FGF8: variants seen among roughly 807,000 people sequenced by gnomAD.
FGF8 encodes androgen-induced growth factor.
Under a neutral mutation model 29.7 loss-of-function variants are expected in FGF8, and 12 were observed. The observed-to-expected ratio is 0.40, with a 90% CI of 0.26 to 0.65. FGF8 has a LOEUF of 0.65. Ranked by LOEUF, FGF8 falls within the 30% of genes least tolerant of loss-of-function variation. The pLI is 0.37. For missense variants in FGF8, 271 were observed against 345.1 expected, an observed-to-expected ratio of 0.79 and a Z score of 1.70; for synonymous variants, 157 against 144.4, an observed-to-expected ratio of 1.09 and a Z score of -0.63.
rs1564633026 is a variant in FGF8 at position 101,775,830 on chromosome 10, C to G, written c.32+39G>C. 4 of 1,040,884 alleles carry G rather than the reference C, an allele frequency of 3.8e-6. No homozygotes were observed. The South Asian group carries it at 4.9e-5, about 13-fold the overall frequency. 64.5% of individuals were successfully genotyped at this position (1,040,884 alleles called of 1,614,324 possible). On this transcript the variant is annotated intron_variant, in intron 1 of 5. Coordinates refer to ENST00000320185, the MANE Select transcript of FGF8 (RefSeq NM_033163.5). This position sits in a 1 kb window ranked among gnomAD's most constrained non-coding sequence, Gnocchi z 4.6. ...AGAGGCGCGGGTGAGGCGAGGGGCGCGGGGGGCGGGTGGCGGGGCAGGGCG... is the reference window on the plus strand; with the variant it reads ...AGAGGCGCGGGTGAGGCGAGGGGCGGGGGGGGCGGGTGGCGGGGCAGGGCG...
In FGF8 at chr10:101,771,354, C is replaced by G; in HGVS notation, c.444+109G>C. ...GGTAACCCCAAGATGGCCCTGTGGC[C>G]TTCTGCCTACCTTGTTGGGATCAGA... On this transcript the variant is annotated intron_variant, in intron 5 of 5. Transcript: ENST00000320185. This position sits in a 1 kb window ranked among gnomAD's most constrained non-coding sequence, Gnocchi z 5.3. The G allele has an allele frequency of 1.2e-6, 1 of 828,598 alleles. No homozygotes were observed. Among genetic ancestry groups the G allele is most frequent in the East Asian group, 2.5e-5 (1 of 40,432 alleles). The allele number at this position is 828,598 out of a possible 1,614,324, so 51.3% of individuals were successfully genotyped here.
In FGF8 at chr10:101,775,599, G is replaced by A. The variant is rs997105525; in HGVS notation, c.69+141C>T. The A allele has an allele frequency of 2.2e-6, 2 of 895,952 alleles. No homozygotes were observed. Among genetic ancestry groups the A allele is most frequent in the African/African-American group, 1.7e-5 (1 of 59,688 alleles). The allele number at this position is 895,952 out of a possible 1,614,324, so 55.5% of individuals were successfully genotyped here. A position where few individuals can be genotyped will look rare whatever the true frequency, so the allele number is the denominator to read the frequency against. The stretch of plus-strand genomic sequence containing the variant: ...TCTGTGCCTCAGCTCCCTCCTCGGG[G>A]TGGCTCGGGGCTGGGTTTCTAAGGT... On this transcript the variant is annotated intron_variant, in intron 2 of 5. Coordinates refer to ENST00000320185, the MANE Select transcript of FGF8 (RefSeq NM_033163.5). The surrounding 1 kb of genome is among the most constrained non-coding windows in gnomAD (Gnocchi z 4.6).
At position 101,775,359 on chromosome 10, in the gene FGF8, C is replaced by T; in HGVS notation, c.70-143G>A. ...GGGCCAAATCGGCCACAAGCCTCCC[C>T]CGAGGGGCGCTGAGAGGGTCTCTGC... is the stretch of plus-strand genomic sequence containing the variant. On this transcript the variant is annotated intron_variant, in intron 2 of 5. Transcript: ENST00000320185. This position sits in a 1 kb window ranked among gnomAD's most constrained non-coding sequence, Gnocchi z 4.6. 1 of 667,800 alleles carries T rather than the reference C, an allele frequency of 1.5e-6. No individual in the cohort carries two copies. The highest frequency in any genetic ancestry group is 1.7e-5 in the South Asian group (1 of 59,010). The allele number at this position is 667,800 out of a possible 1,614,324, so 41.4% of individuals were successfully genotyped here.
At position 101,770,237 on chromosome 10, in the gene FGF8, G is replaced by C; in HGVS notation, c.*92C>G. ...TCCCCCAGCACCTCCCCAGCCTGCA[G>C]AGCAGCGCACAGCTCATCTTGCTTG... On this transcript the variant is annotated 3_prime_UTR_variant, in exon 6 of 6. Coordinates refer to ENST00000320185, the MANE Select transcript of FGF8 (RefSeq NM_033163.5). 7.8e-7 allele frequency: 1 copy of C among 1,287,192 alleles called. No individual in the cohort carries two copies. The highest frequency in any genetic ancestry group is 1.1e-6 in the Non-Finnish European group (1 of 944,724). 79.7% of individuals were successfully genotyped at this position (1,287,192 alleles called of 1,614,324 possible).
rs182601392 is a variant in FGF8, at chr10:101,772,575, G to T, written c.338-1006C>A. 1.1e-4 allele frequency among the ~76,000 whole-genome samples: 17 copies of T among 152,280 alleles called. No homozygotes were observed. On this transcript the variant is annotated intron_variant, in intron 4 of 5. Coordinates refer to ENST00000320185, the MANE Select transcript of FGF8 (RefSeq NM_033163.5). This position sits in a 1 kb window ranked among gnomAD's most constrained non-coding sequence, Gnocchi z 4.4. ...GAGGGTGACTTCACTGTTTAGGAAG[G>T]GACAGAAGGCGCTGGCTCTCCTGCC...
In FGF8 at chr10:101,770,632, G is replaced by C; in HGVS notation, c.445-13C>G. On this transcript the variant is annotated splice_polypyrimidine_tract_variant and intron_variant, in intron 5 of 5. Transcript: ENST00000320185. ...CTTTGCCGTTGCTCTGCAGGTAGGGGAGCCAGACACCACGTTACAGAGCCC... is the reference window on the plus strand; with the variant it reads ...CTTTGCCGTTGCTCTGCAGGTAGGGCAGCCAGACACCACGTTACAGAGCCC... 6.2e-7 allele frequency: 1 copy of C among 1,606,072 alleles called. No homozygotes were observed. The highest frequency in any genetic ancestry group is 8.5e-7 in the Non-Finnish European group (1 of 1,179,884).
Position 101,774,772 on chromosome 10 carries a change from G to A in FGF8, c.297C>T (p.Asn99=). The change falls in exon 4 of 6, where the codon AAC becomes AAT. Residue 99 remains asparagine (N), a synonymous_variant. Coordinates refer to ENST00000320185, the MANE Select transcript of FGF8 (RefSeq NM_033163.5). ...CCTCTGCCATGGCGTTGATGCGCTT[G>A]TTGGCCAGGACCTGCACGTGCTTCC... ...TSGKHVQVLA[N]KRINAMAEDG... is the part of the protein sequence containing the mutation. 6.2e-7 allele frequency: 1 copy of A among 1,610,110 alleles called. No homozygotes were observed. The highest frequency in any genetic ancestry group is 8.5e-7 in the Non-Finnish European group (1 of 1,179,968).
intron 4 of FGF8, among the ~76,000 whole-genome samples, chr10:101,774,403 CCT>C (rs1344174810): frequency 6.6e-6 from 1 of 152,214 alleles, no homozygotes; most frequent in East Asian, 1.9e-4. Context: ...GGCGACATAT[CCT>C]CTTTCAAGCG....
intron 5 of FGF8, among the ~76,000 whole-genome samples, chr10:101,770,839 C>A (rs1485651593): frequency 6.6e-6 from 1 of 152,206 alleles, no homozygotes. Flanking sequence ...TGGTTGTCTA[C>A]GGAGGGGCTG....
chr10:101,776,469 T>C (rs933114629), upstream of FGF8, among the ~76,000 whole-genome samples: 3 of 151,426 alleles, frequency 2.0e-5, no homozygotes, highest in African/African-American at 4.9e-5. Flanking sequence ...TGGGGGCGCC[T>C]AGGGCTGCAA....
At chr10:101,773,701 C>G (rs2065052945) in intron 4 of FGF8, among the ~76,000 whole-genome samples, 1 of 152,140 alleles carries the variant, frequency 6.6e-6, no homozygotes, top group Non-Finnish European at 1.5e-5. Context: ...CAAACTGGCT[C>G]AAGAAGAGGA....
rs1381209498 is a variant in FGF8, at chr10:101,770,347, C to A, written c.717G>T (p.Trp239Cys). The A allele has an allele frequency of 6.3e-7, 1 of 1,598,102 alleles. No individual in the cohort carries two copies. The highest frequency in any genetic ancestry group is 1.3e-5 in the African/African-American group (1 of 74,878). The change falls in exon 6 of 6, where the codon TGG becomes TGT. Residue 239 changes from tryptophan to cysteine, a missense_variant. Coordinates refer to ENST00000320185, the MANE Select transcript of FGF8 (RefSeq NM_033163.5). ...TRSLRGSQRT[W>C]APEPR ...GCAGCACCTATCGGGGCTCGGGGGC[C>A]CAAGTCCTCTGGCTGCCGCGCAGGC...
chr10:101,770,141 T>A lies in FGF8; in HGVS notation c.*188A>T, dbSNP rs778392778. ...CAAAAATAGAGCCTCTCTTTTGTTT[T>A]AAAAAAAAAAAAAAAAAAAAAAACA... On this transcript the variant is annotated 3_prime_UTR_variant, in exon 6 of 6. Transcript: ENST00000320185. 578 of 392,676 alleles carry A rather than the reference T, an allele frequency of 1.5e-3. 1 individual carries two copies. Among genetic ancestry groups the A allele is most frequent in the Middle Eastern group, 3.4e-3 (5 of 1,472 alleles). The allele number at this position is 392,676 out of a possible 1,614,324, so 24.3% of individuals were successfully genotyped here. A position where few individuals can be genotyped will look rare whatever the true frequency, so the allele number is the denominator to read the frequency against.
intron 4 of FGF8, 71 bp downstream of exon 4, chr10:101,774,661 C>G (rs1364471133): frequency 1.5e-6 from 2 of 1,370,854 alleles, no homozygotes; most frequent in Admixed American, 1.7e-5. Context: ...CCTGCAGGCC[C>G]CCGGCCAGTG....
Position 101,775,211 on chromosome 10 carries a change from G to C in FGF8, c.75C>G (p.Gly25=). Residue 25 remains glycine, a synonymous_variant, in exon 3 of 6, where the codon GGC becomes GGG. Coordinates refer to ENST00000320185, the MANE Select transcript of FGF8 (RefSeq NM_033163.5). The surrounding 1 kb of genome is among the most constrained non-coding windows in gnomAD (Gnocchi z 4.6). ...TGCCCAGCGCAGGGCCCCTGCCCGG[G>C]CCTTCCTAGAGGAGCAGGGCGCTTT... ...LLVLCLQAQE[G]PGRGPALGRE... The C allele has an allele frequency of 6.5e-7, 1 of 1,539,836 alleles. No individual in the cohort carries two copies. The highest frequency in any genetic ancestry group is 8.8e-7 in the Non-Finnish European group (1 of 1,139,182).
intron 4 of FGF8, among the ~76,000 whole-genome samples, chr10:101,773,541 C>T (rs566993302): frequency 2.6e-5 from 4 of 151,974 alleles, no homozygotes; most frequent in Admixed American, 6.6e-5. Flanking sequence ...GCAGCTCTCC[C>T]GACCGGGCTT....
chr10:101,774,750 C>G lies in FGF8; in HGVS notation c.319G>C (p.Glu107Gln). 6.2e-7 allele frequency: 1 copy of G among 1,606,824 alleles called. No homozygotes were observed. Among genetic ancestry groups the G allele is most frequent in the East Asian group, 2.2e-5 (1 of 44,880 alleles). ...LANKRINAMA[E>Q]DGDPFAKLIV... is the part of the protein sequence containing the mutation. ...GCCTTACCGAAGGGGTCGCCGTCCT[C>G]TGCCATGGCGTTGATGCGCTTGTTG... Residue 107 changes from glutamate (E) to glutamine (Q), a missense_variant, in exon 4 of 6, where the codon GAG becomes CAG. Physicochemically the swap from Glu to Gln is conservative, Grantham distance 29. Coordinates refer to ENST00000320185, the MANE Select transcript of FGF8 (RefSeq NM_033163.5).
At position 101,770,409 on chromosome 10, in the gene FGF8, G is replaced by T. The variant is rs138682882; in HGVS notation, c.655C>A (p.Arg219Ser). The change falls in exon 6 of 6, where the codon CGC (arginine) becomes AGC (serine). Residue 219 changes from arginine to serine, a missense_variant. This residue lies in a region of FGF8 where 62 missense variants were observed against 58.1 expected (regional missense o/e 1.07). Coordinates refer to ENST00000320185, the MANE Select transcript of FGF8 (RefSeq NM_033163.5). Reference sequence around the variant, plus strand: ...GGCGGGTAGTTGAGGAACTCGAAGCGCAGGCTCTGCTCGGTGGTGTGGTGG... The same window carrying T: ...GGCGGGTAGTTGAGGAACTCGAAGCTCAGGCTCTGCTCGGTGGTGTGGTGG... ...RGHHTTEQSL[R>S]FEFLNYPPFT... The T allele has an allele frequency of 1.3e-5, 21 of 1,607,314 alleles. No homozygotes were observed. The highest frequency in any genetic ancestry group is 1.7e-5 in the Non-Finnish European group (20 of 1,177,336).
In FGF8 at chr10:101,770,611, G is replaced by C. The variant is rs369378136; in HGVS notation, c.453C>G (p.Gly151=). The C allele has an allele frequency of 1.9e-4, 302 of 1,609,614 alleles. 2 individuals are homozygous for C. The highest frequency in any genetic ancestry group is 2.0e-4 in the Non-Finnish European group (235 of 1,179,944). ...CCGTGAAGACGCAGTCCTTGCCTTT[G>C]CCGTTGCTCTGCAGGTAGGGGAGCC... is the stretch of plus-strand genomic sequence containing the variant. ...KKGKLIAKSN[G]KGKDCVFTEI... Residue 151 remains glycine, a synonymous_variant, in exon 6 of 6, where the codon GGC becomes GGG. Transcript: ENST00000320185.
Sources: allele counts gnomAD v4.1 joint callset (sites outside exome capture counted in the v4.1 genomes callset), GRCh38; gene constraint gnomAD v4.1.1; regional missense constraint gnomAD v4.1.1; non-coding constraint Gnocchi (gnomAD v3.1); transcripts MANE v1.5; gene names NCBI Gene and HGNC (gene_info 2026-07-23, HGNC 2026-07-21).